The following ESRRG variants were observed in gnomAD, a reference collection of about 807,000 sequenced individuals.
ESRRG encodes the protein estrogen-related receptor gamma.
In ESRRG, 13 loss-of-function variants were observed where a neutral mutation model predicts 44.0. The observed-to-expected ratio is 0.30, with a 90% CI of 0.19 to 0.47. The LOEUF (loss-of-function observed/expected upper bound fraction) is 0.47. Among genes scored for constraint, ESRRG ranks in the 20% least tolerant of loss-of-function variants. The probability of loss-of-function intolerance (pLI) is 1.00; values close to 1 mark genes in which losing one functional copy is unlikely to be tolerated. For synonymous variants in ESRRG, 215 were observed against 214.6 expected (o/e 1.00, Z -0.02); for missense variants, 395 against 580.6 (o/e 0.68, Z 3.29).
At chr1:216,544,444 G>A (rs1218275054) in intron 5 of ESRRG, among the ~76,000 whole-genome samples, 1 of 151,936 alleles carries the variant, frequency 6.6e-6, no homozygotes, top group Non-Finnish European at 1.5e-5. Flanking sequence ...AGGGTTGTAA[G>A]GAGATGCCCT....
chr1:217,054,589 C>A (rs577826565), intron 1 of ESRRG, among the ~76,000 whole-genome samples: 2 of 152,128 alleles, frequency 1.3e-5, no homozygotes, highest in African/African-American at 2.4e-5. Context: ...AGTCTCCCTT[C>A]GAGGAGGTTG....
chr1:216,773,757 A>G (rs1349116132), intron 2 of ESRRG, among the ~76,000 whole-genome samples: 3 of 152,108 alleles, frequency 2.0e-5, no homozygotes, highest in African/African-American at 7.2e-5. Context: ...GCTACAACAG[A>G]TAAGATGAAC....
At chr1:216,740,642 GAAGA>G (rs1441091362) in intron 2 of ESRRG, among the ~76,000 whole-genome samples, 2 of 149,586 alleles carry the variant, frequency 1.3e-5, no homozygotes, top group South Asian at 2.1e-4. Context: ...AAAAAAAAAA[GAAGA>G]AAGAAAGAAA....
At chr1:216,724,824 A>T (rs909326102), upstream of ESRRG, among the ~76,000 whole-genome samples, 23 of 152,150 alleles carry the variant, frequency 1.5e-4, no homozygotes, top group Non-Finnish European at 2.9e-4. Context: ...GCAAATGTAC[A>T]TTGGAATAGA....
intron 1 of ESRRG, among the ~76,000 whole-genome samples, chr1:217,131,982 A>G (rs2092972892): frequency 6.6e-6 from 1 of 152,150 alleles, no homozygotes; most frequent in Admixed American, 6.5e-5. Flanking sequence ...TCTTAGAAAA[A>G]GAAATCCCAA....
chr1:216,781,310 T>G (rs1314588257), intron 2 of ESRRG, among the ~76,000 whole-genome samples: 1 of 152,028 alleles, frequency 6.6e-6, no homozygotes, highest in Non-Finnish European at 1.5e-5. Context: ...CCTCAATCTT[T>G]GCTGGAGAGT....
chr1:216,703,357 C>T (rs1214851368), intron 1 of ESRRG, among the ~76,000 whole-genome samples: 1 of 152,118 alleles, frequency 6.6e-6, no homozygotes, highest in African/African-American at 2.4e-5. Context: ...GTTTACTCAT[C>T]TGTGTTGGGC....
chr1:216,525,698 A>C (rs933484546), intron 5 of ESRRG, among the ~76,000 whole-genome samples: 1 of 152,198 alleles, frequency 6.6e-6, no homozygotes, highest in Non-Finnish European at 1.5e-5. Context: ...GGCATTTTTC[A>C]GTCTAACTTT....
rs1559372237 is a variant in ESRRG, at chr1:216,714,763, T to G, written c.56+8481A>C. 1.3e-5 allele frequency: 2 copies of G among 159,832 alleles called. 1 individual carries two copies. Among genetic ancestry groups the G allele is most frequent in the Admixed American group, 1.3e-4 (2 of 15,282 alleles). The allele number at this position is 159,832 out of a possible 1,614,324, so 9.9% of individuals were successfully genotyped here. A position where few individuals can be genotyped will look rare whatever the true frequency, so the allele number is the denominator to read the frequency against. ...CATGAAAAAAGAATCATCATTCACA[T>G]TAATGTAAATAGATGATCTGTTCTC... On this transcript the variant is annotated intron_variant, in intron 1 of 6. Transcript: ENST00000408911.
chr1:217,029,178 G>A (rs765060968), intron 1 of ESRRG, among the ~76,000 whole-genome samples: 85 of 152,190 alleles, frequency 5.6e-4, no homozygotes, highest in Non-Finnish European at 1.1e-3. Flanking sequence ...GCCCATGGGC[G>A]AACATGTACT....
At chr1:217,110,665 T>C (rs2092651242) in intron 1 of ESRRG, among the ~76,000 whole-genome samples, 1 of 152,006 alleles carries the variant, frequency 6.6e-6, no homozygotes. Context: ...TGCCACACAC[T>C]TGAAACAACC....
intron 2 of ESRRG, among the ~76,000 whole-genome samples, chr1:216,905,087 T>C (rs115392734): frequency 0.011 from 1,696 of 152,198 alleles, 18 homozygotes; most frequent in Non-Finnish European, 0.017. Context: ...CCAAGCAAAT[T>C]AAAGATACAA....
intron 2 of ESRRG, among the ~76,000 whole-genome samples, chr1:216,783,157 G>T (rs910931257): frequency 1.3e-5 from 2 of 151,920 alleles, no homozygotes; most frequent in African/African-American, 4.8e-5. Context: ...TGCTTTTCAG[G>T]TGAGAACTTA....
At chr1:217,104,669 G>A (rs746470317) in intron 1 of ESRRG, among the ~76,000 whole-genome samples, 1 of 152,166 alleles carries the variant, frequency 6.6e-6, no homozygotes, top group East Asian at 1.9e-4. Flanking sequence ...GAACTGGAAT[G>A]TAGGTAGGAA....
chr1:216,991,650 ATGGGATGGG>A (rs1560393740), intron 1 of ESRRG, among the ~76,000 whole-genome samples: 1 of 116,852 alleles, frequency 8.6e-6, no homozygotes, highest in Non-Finnish European at 1.8e-5. Flanking sequence ...ATGGGATGGG[ATGGGATGGG>A]ATGGGATGGG....
chr1:216,890,053 C>T lies in ESRRG; in HGVS notation c.-14+49529G>A, dbSNP rs1577724376. 5.9e-5 allele frequency among the ~76,000 whole-genome samples: 9 copies of T among 152,064 alleles called. No homozygotes were observed. In the South Asian group the frequency reaches 1.9e-3, roughly 32 times the overall value. ...GCTGAGGTGGGAGGATCACTTGAGG[C>T]CAGGAGTTCAAGACCAGCTTGGGGA... On this transcript the variant is annotated intron_variant, in intron 2 of 7. Transcript: ENST00000359162.
intron 1 of ESRRG, among the ~76,000 whole-genome samples, chr1:216,980,057 C>T (rs77780836): frequency 0.014 from 2,095 of 152,228 alleles, 71 homozygotes; most frequent in East Asian, 0.085. Context: ...TTCTTTCTAC[C>T]CAATTAAAAC....
intron 2 of ESRRG, among the ~76,000 whole-genome samples, chr1:216,760,038 T>C (rs1429198219): frequency 6.6e-6 from 1 of 152,060 alleles, no homozygotes; most frequent in Non-Finnish European, 1.5e-5. Context: ...CTCTGATTGG[T>C]TTCCACGGCA....
upstream of ESRRG, among the ~76,000 whole-genome samples, chr1:217,091,631 T>C (rs1558251868): frequency 6.6e-6 from 1 of 152,176 alleles, no homozygotes; most frequent in South Asian, 2.1e-4. Context: ...ACCTTGAAAA[T>C]TGGACATAGC....
Sources: allele counts gnomAD v4.1 joint callset (sites outside exome capture counted in the v4.1 genomes callset), GRCh38; gene constraint gnomAD v4.1.1; transcripts MANE v1.5; gene names NCBI Gene and HGNC (gene_info 2026-07-23, HGNC 2026-07-21).